Variants in ADGRV1 observed in about 807,000 individuals in gnomAD.
ADGRV1 encodes G-protein coupled receptor 98.
In ADGRV1, 359 loss-of-function variants were observed where a neutral mutation model predicts 596.2. The ratio of observed to expected loss-of-function variants is 0.60; its 90% confidence interval spans 0.55 to 0.66. The LOEUF is 0.66. ADGRV1 is among the 30% of genes least tolerant of loss of function. ADGRV1 has a pLI of 0.00. For missense variants in ADGRV1, 7,274 were observed against 7,575.6 expected (o/e 0.96, Z 1.48); for synonymous variants, 2,681 against 2,679.2 (o/e 1.00, Z -0.02).
chr5:91,044,955 T>C (rs1785667114), intron 85 of ADGRV1, among the ~76,000 whole-genome samples: 2 of 152,170 alleles, frequency 1.3e-5, no homozygotes, highest in African/African-American at 4.8e-5. Context: ...AAGATTATTG[T>C]GGGTGGTTGA....
chr5:90,577,369 A>G (rs1157111347), intron 1 of ADGRV1, among the ~76,000 whole-genome samples: 9 of 152,230 alleles, frequency 5.9e-5, no homozygotes, highest in Non-Finnish European at 1.2e-4. Flanking sequence ...TTTATTAGAT[A>G]AAGAATCCTT....
intron 85 of ADGRV1, among the ~76,000 whole-genome samples, chr5:91,025,369 A>G (rs1304525441): frequency 2.0e-5 from 3 of 152,146 alleles, no homozygotes; most frequent in African/African-American, 7.2e-5. Context: ...GTCTTATCTA[A>G]GCCAGATAGT....
At chr5:91,032,954 G>A (rs1459648747) in intron 85 of ADGRV1, among the ~76,000 whole-genome samples, 2 of 152,008 alleles carry the variant, frequency 1.3e-5, no homozygotes, top group Admixed American at 6.6e-5. Context: ...AGCGTCATTC[G>A]TTATTTTAGG....
rs1319388521 is a variant in ADGRV1 at position 90,926,808 on chromosome 5, C to T, written c.17857-38607C>T. 4.2e-3 allele frequency among the ~76,000 whole-genome samples: 637 copies of T among 150,294 alleles called. 1 individual carries two copies. Among genetic ancestry groups the T allele is most frequent in the African/African-American group, 0.014 (563 of 40,812 alleles). ...TTCCCTCTACACACTGCTTTGAATG[C>T]GTCCCAGAGATTCTGGTATGTTGTG... On this transcript the variant is annotated intron_variant, in intron 83 of 89. Coordinates refer to ENST00000405460, the MANE Select transcript of ADGRV1 (RefSeq NM_032119.4).
intron 89 of ADGRV1, among the ~76,000 whole-genome samples, chr5:91,154,920 TG>T (rs1046035980): frequency 3.3e-5 from 5 of 152,132 alleles, no homozygotes; most frequent in Non-Finnish European, 4.4e-5. Context: ...GTGGAGAATG[TG>T]GGGCTAGAAT....
At chr5:90,766,630 T>C (rs1757176665) in intron 59 of ADGRV1, among the ~76,000 whole-genome samples, 1 of 152,314 alleles carries the variant, frequency 6.6e-6, no homozygotes, top group African/African-American at 2.4e-5. Context: ...TGTCTCAGCC[T>C]CCCACAGTGA....
At chr5:90,634,984 G>A in intron 9 of ADGRV1, 130 bp from the exon 10 acceptor site, 1 of 595,058 alleles carries the variant, frequency 1.7e-6, no homozygotes, top group Non-Finnish European at 3.0e-6. Flanking sequence ...TGAGAGAGGA[G>A]GAGAATAACA....
rs182029028 is a variant in ADGRV1, at chr5:90,993,623, G to A, written c.18152+8101G>A. Among the ~76,000 whole-genome samples, 3 of 152,238 alleles carry A rather than the reference G, an allele frequency of 2.0e-5. No individual in the cohort carries two copies. In the East Asian group the frequency reaches 5.8e-4, roughly 29 times the overall value. On this transcript the variant is annotated intron_variant, in intron 85 of 89. Coordinates refer to ENST00000405460, the MANE Select transcript of ADGRV1 (RefSeq NM_032119.4). ...GAACATATGTTTTCAATTCTCTTGAGTATATGTCTAGGAGTAGAATTTGTT... is the reference window on the plus strand; with the variant it reads ...GAACATATGTTTTCAATTCTCTTGAATATATGTCTAGGAGTAGAATTTGTT...
intron 86 of ADGRV1, among the ~76,000 whole-genome samples, chr5:91,095,901 G>GTACT (rs1396705502): frequency 6.6e-6 from 1 of 151,006 alleles, no homozygotes; most frequent in African/African-American, 2.5e-5. Context: ...TCCTGCCTCA[G>GTACT]CCTCCCGAGT....
At chr5:90,743,269 G>A (rs754561822) in intron 50 of ADGRV1, among the ~76,000 whole-genome samples, 1 of 152,054 alleles carries the variant, frequency 6.6e-6, no homozygotes, top group Non-Finnish European at 1.5e-5. Flanking sequence ...TTTATTGACT[G>A]CCTTAACTTT....
intron 87 of ADGRV1, among the ~76,000 whole-genome samples, chr5:91,139,006 A>G (rs1199166563): frequency 6.6e-6 from 1 of 152,114 alleles, no homozygotes; most frequent in African/African-American, 2.4e-5. Flanking sequence ...CCTGACCTCA[A>G]GTGATCCACC....
chr5:91,154,930 A>C (rs1027192144), intron 89 of ADGRV1, among the ~76,000 whole-genome samples: 3 of 152,208 alleles, frequency 2.0e-5, no homozygotes, highest in African/African-American at 7.2e-5. Flanking sequence ...TGGGGCTAGA[A>C]TTACAATTAT....
intron 83 of ADGRV1, among the ~76,000 whole-genome samples, chr5:90,928,853 C>A (rs367740609): frequency 1.3e-5 from 2 of 149,118 alleles, no homozygotes; most frequent in African/African-American, 2.5e-5. Context: ...TTCTAACAGA[C>A]AGGACCCTCA....
chr5:90,561,592 T>C (rs1207820448), intron 1 of ADGRV1, among the ~76,000 whole-genome samples: 1 of 152,220 alleles, frequency 6.6e-6, no homozygotes, highest in Non-Finnish European at 1.5e-5. Flanking sequence ...ATTTCTCTTA[T>C]ATAGTATCTA....
intron 70 of ADGRV1, among the ~76,000 whole-genome samples, chr5:90,797,820 C>A (rs1760920037): frequency 6.6e-6 from 1 of 150,902 alleles, no homozygotes; most frequent in African/African-American, 2.4e-5. Flanking sequence ...TTGGGAAACT[C>A]ACTCAAAACT....
intron 86 of ADGRV1, among the ~76,000 whole-genome samples, chr5:91,087,114 A>T (rs1789942959): frequency 6.6e-6 from 1 of 152,154 alleles, no homozygotes; most frequent in Non-Finnish European, 1.5e-5. Flanking sequence ...GGCCCAGCCA[A>T]AATTCTTTCT....
chr5:90,817,299 G>A (rs1359677745), intron 75 of ADGRV1, among the ~76,000 whole-genome samples: 1 of 151,404 alleles, frequency 6.6e-6, no homozygotes, highest in African/African-American at 2.5e-5. Context: ...GTTCATTGTA[G>A]ATTCTGGATA....
intron 30 of ADGRV1, 63 bp downstream of exon 30, chr5:90,690,139 C>A: frequency 1.0e-6 from 1 of 983,762 alleles, no homozygotes; most frequent in Non-Finnish European, 1.5e-6. Flanking sequence ...AGATAATGAT[C>A]TTTACTTTTG....
At chr5:90,600,866 C>A (rs185901646) in intron 1 of ADGRV1, among the ~76,000 whole-genome samples, 63 of 152,164 alleles carry the variant, frequency 4.1e-4, no homozygotes. Context: ...TAAATAAAGA[C>A]CTACTTCTTT....
Sources: allele counts gnomAD v4.1 joint callset (sites outside exome capture counted in the v4.1 genomes callset), GRCh38; gene constraint gnomAD v4.1.1; transcripts MANE v1.5; gene names NCBI Gene and HGNC (gene_info 2026-07-23, HGNC 2026-07-21).